Variants in CCDC102B observed in about 807,000 individuals in gnomAD.
CCDC102B encodes the protein coiled-coil domain containing 102B.
CCDC102B carries 75 observed loss-of-function variants against 57.4 expected under a neutral mutation model. That is an observed-to-expected ratio of 1.31 (90% CI 1.08 to 1.58). CCDC102B has a LOEUF of 1.58. Ranked by LOEUF, CCDC102B falls within the 40% of genes most tolerant of loss-of-function variation. The probability of loss-of-function intolerance (pLI) is 0.00; values close to 1 mark genes in which losing one functional copy is unlikely to be tolerated. For missense variants in CCDC102B, 636 were observed against 582.6 expected (o/e 1.09, Z -0.94); for synonymous variants, 206 against 201.9 (o/e 1.02, Z -0.17).
At chr18:68,831,448 G>T (rs185819938) in intron 1 of CCDC102B, among the ~76,000 whole-genome samples, 4 of 152,086 alleles carry the variant, frequency 2.6e-5, no homozygotes, top group Non-Finnish European at 5.9e-5. Flanking sequence ...ATTTAATAAC[G>T]ACTCTTGGCA....
chr18:68,719,029 A>G (rs1054150734), intron 2 of CCDC102B, among the ~76,000 whole-genome samples: 2 of 152,228 alleles, frequency 1.3e-5, no homozygotes, highest in African/African-American at 4.8e-5. Flanking sequence ...CAAAACTTAA[A>G]GAGATACAGA....
At chr18:68,728,340 A>T (rs1449512091) in intron 2 of CCDC102B, among the ~76,000 whole-genome samples, 1 of 152,244 alleles carries the variant, frequency 6.6e-6, no homozygotes, top group Non-Finnish European at 1.5e-5. Context: ...ATTTGAATAG[A>T]ATATACAAGC....
chr18:68,872,547 G>T (rs1029401661), intron 4 of CCDC102B, among the ~76,000 whole-genome samples: 4 of 151,954 alleles, frequency 2.6e-5, no homozygotes, highest in African/African-American at 9.6e-5. Flanking sequence ...TACAGTAGTT[G>T]TTTTTTAACT....
intron 6 of CCDC102B, among the ~76,000 whole-genome samples, chr18:68,998,985 TATATATATATATATAGAGAG>T (rs1339880804): frequency 2.8e-4 from 21 of 75,606 alleles, no homozygotes; most frequent in East Asian, 3.2e-4. Flanking sequence ...TATATATATA[TATATATATATATATAGAGAG>T]AGAGAGAGAG....
chr18:69,011,456 A>T (rs187061840), intron 7 of CCDC102B, among the ~76,000 whole-genome samples: 16 of 152,076 alleles, frequency 1.1e-4, no homozygotes, highest in African/African-American at 3.9e-4. Flanking sequence ...ATCTATATCA[A>T]AAAGTGTGAT....
At chr18:68,996,265 A>G (rs751304281) in intron 6 of CCDC102B, among the ~76,000 whole-genome samples, 3 of 152,128 alleles carry the variant, frequency 2.0e-5, no homozygotes, top group Non-Finnish European at 4.4e-5. Context: ...TCTGGCCTCC[A>G]TCTTTCTCCC....
intron 6 of CCDC102B, among the ~76,000 whole-genome samples, chr18:68,958,829 A>T (rs1164284922): frequency 6.6e-6 from 1 of 152,158 alleles, no homozygotes; most frequent in Non-Finnish European, 1.5e-5. Flanking sequence ...TTTCAGTTTC[A>T]GAATTTCTGC....
At chr18:68,866,063 G>GA (rs1415840077) in intron 4 of CCDC102B, among the ~76,000 whole-genome samples, 25 of 151,636 alleles carry the variant, frequency 1.6e-4, no homozygotes, top group African/African-American at 3.4e-4. Flanking sequence ...CAAATTAATT[G>GA]AAAAAAAGTT....
intron 1 of CCDC102B, among the ~76,000 whole-genome samples, chr18:68,817,035 G>C (rs564461769): frequency 6.6e-6 from 1 of 152,332 alleles, no homozygotes; most frequent in South Asian, 2.1e-4. Flanking sequence ...GGAGTCCCAA[G>C]TTGGTCAGAC....
intron 5 of CCDC102B, among the ~76,000 whole-genome samples, chr18:68,894,993 C>G (rs549384837): frequency 5.9e-5 from 9 of 151,806 alleles, no homozygotes; most frequent in Non-Finnish European, 7.4e-5. Flanking sequence ...CATATTTGTC[C>G]TTGCCCAAAA....
At chr18:68,943,442 A>G (rs1340827474) in intron 6 of CCDC102B, among the ~76,000 whole-genome samples, 2 of 152,082 alleles carry the variant, frequency 1.3e-5, no homozygotes, top group Non-Finnish European at 2.9e-5. Context: ...TACTTTTTCT[A>G]CACTCTCAGA....
chr18:68,839,382 T>C (rs1269248272), intron 3 of CCDC102B, among the ~76,000 whole-genome samples: 2 of 152,318 alleles, frequency 1.3e-5, no homozygotes, highest in East Asian at 1.9e-4. Flanking sequence ...TTTTGCTTAA[T>C]TGGCCTGGAT....
exon 1 of CCDC102B, chr18:68,715,281 T>G: frequency 7.9e-7 from 1 of 1,268,792 alleles, no homozygotes; most frequent in Non-Finnish European, 1.0e-6. Flanking sequence ...GCTTAAGGGC[T>G]TTACTAGGGA....
chr18:68,997,680 T>C (rs2051067789), intron 6 of CCDC102B, among the ~76,000 whole-genome samples: 1 of 152,076 alleles, frequency 6.6e-6, no homozygotes, highest in Non-Finnish European at 1.5e-5. Context: ...TATTTATTTA[T>C]TCCTCAATAA....
At chr18:68,850,438 C>A (rs1283612746) in intron 4 of CCDC102B, among the ~76,000 whole-genome samples, 3 of 151,886 alleles carry the variant, frequency 2.0e-5, no homozygotes, top group Non-Finnish European at 4.4e-5. Flanking sequence ...ATGAGTGTTT[C>A]TCAAGATATA....
At chr18:68,991,678 ATT>A (rs2050871637) in intron 6 of CCDC102B, among the ~76,000 whole-genome samples, 1 of 152,194 alleles carries the variant, frequency 6.6e-6, no homozygotes, top group South Asian at 2.1e-4. Context: ...GCTAAATTAT[ATT>A]TGTTAGAGTT....
intron 7 of CCDC102B, among the ~76,000 whole-genome samples, chr18:69,015,924 GGCTCACT>G (rs2145407222): frequency 6.6e-6 from 1 of 151,846 alleles, no homozygotes; most frequent in Admixed American, 6.6e-5. Context: ...GTGTGATCTT[GGCTCACT>G]GCAAGCTCTG....
At chr18:68,865,479 C>G (rs2038935132) in intron 4 of CCDC102B, among the ~76,000 whole-genome samples, 1 of 152,084 alleles carries the variant, frequency 6.6e-6, no homozygotes, top group Non-Finnish European at 1.5e-5. Flanking sequence ...ACTGCCATCT[C>G]CCTATAATTC....
chr18:68,909,097 A>AAAAAAAAG (rs1420987631), intron 6 of CCDC102B, among the ~76,000 whole-genome samples: 5 of 74,758 alleles, frequency 6.7e-5, no homozygotes, highest in Admixed American at 2.5e-4. Flanking sequence ...TGGTTAAAAA[A>AAAAAAAAG]AAAAAAAGAA....
Sources: gnomAD v4.1 joint callset for allele counts (sites outside exome capture counted in the v4.1 genomes callset) on GRCh38, gnomAD v4.1.1 for gene constraint, MANE v1.5 for transcripts, NCBI Gene and HGNC (gene_info 2026-07-23, HGNC 2026-07-21) for gene names.